The following RIMS2 variants were observed in gnomAD, a reference collection of about 807,000 sequenced individuals.
RIMS2 encodes the protein regulating synaptic membrane exocytosis protein 2.
RIMS2 carries 59 observed loss-of-function variants against 174.4 expected under a neutral mutation model. That is an observed-to-expected ratio of 0.34 (90% confidence interval 0.27 to 0.42). RIMS2 has a LOEUF of 0.42. Among genes scored for constraint, RIMS2 ranks in the 10% least tolerant of loss-of-function variants. RIMS2 has a pLI of 1.00. For synonymous variants in RIMS2, 606 were observed against 572.5 expected, an observed-to-expected ratio of 1.06 and a Z score of -0.84; for missense variants, 1,620 against 1,666.3, an observed-to-expected ratio of 0.97 and a Z score of 0.48.
At chr8:103,579,524 A>C (rs541232596) in intron 1 of RIMS2, among the ~76,000 whole-genome samples, 1 of 152,158 alleles carries the variant, frequency 6.6e-6, no homozygotes, top group Admixed American at 6.5e-5. Flanking sequence ...GAGAAAGTCT[A>C]TGTATTTTGA....
intron 1 of RIMS2, among the ~76,000 whole-genome samples, chr8:103,684,130 G>A (rs1355236007): frequency 6.6e-6 from 1 of 152,062 alleles, no homozygotes; most frequent in Non-Finnish European, 1.5e-5. Flanking sequence ...ATATAGTTGA[G>A]TGAGTTTTGA....
chr8:103,543,753 A>G (rs543699533), intron 1 of RIMS2, among the ~76,000 whole-genome samples: 11 of 152,338 alleles, frequency 7.2e-5, no homozygotes, highest in African/African-American at 2.4e-4. Context: ...GCAAAGGGCA[A>G]TCTCTTCAAT....
chr8:104,098,502 T>C (rs1350819801), intron 19 of RIMS2, among the ~76,000 whole-genome samples: 1 of 152,128 alleles, frequency 6.6e-6, no homozygotes, highest in African/African-American at 2.4e-5. Flanking sequence ...TGTTGGTAAT[T>C]TTGTGTTCAA....
intron 1 of RIMS2, among the ~76,000 whole-genome samples, chr8:103,561,208 C>A (rs1014973535): frequency 6.6e-6 from 1 of 151,522 alleles, no homozygotes; most frequent in Non-Finnish European, 1.5e-5. Context: ...TTAAGAATAA[C>A]AACTTAGTAT....
intron 3 of RIMS2, among the ~76,000 whole-genome samples, chr8:103,837,469 C>T (rs1298023088): frequency 2.0e-5 from 3 of 152,128 alleles, no homozygotes; most frequent in Non-Finnish European, 4.4e-5. Context: ...GTGTGCTGCA[C>T]CCATTAACTC....
At chr8:103,624,595 TC>T (rs1212627519) in intron 1 of RIMS2, among the ~76,000 whole-genome samples, 1 of 152,198 alleles carries the variant, frequency 6.6e-6, no homozygotes, top group Non-Finnish European at 1.5e-5. Context: ...GAGGGAATAA[TC>T]TAACTTTGCT....
At chr8:104,172,782 TG>T (rs1467856263) in intron 19 of RIMS2, among the ~76,000 whole-genome samples, 2 of 152,224 alleles carry the variant, frequency 1.3e-5, no homozygotes, top group Admixed American at 1.3e-4. Flanking sequence ...TATGACTAAG[TG>T]TGGAAATAGA....
At chr8:103,734,900 C>T (rs1173253288) in intron 2 of RIMS2, among the ~76,000 whole-genome samples, 1 of 148,682 alleles carries the variant, frequency 6.7e-6, no homozygotes, top group Non-Finnish European at 1.5e-5. Flanking sequence ...TCTCAGTTTT[C>T]TAATCACACT....
At chr8:104,236,942 T>C (rs1344408554) in intron 19 of RIMS2, among the ~76,000 whole-genome samples, 1 of 152,128 alleles carries the variant, frequency 6.6e-6, no homozygotes, top group African/African-American at 2.4e-5. Context: ...TGTAAGATGT[T>C]AATAATTGGG....
intron 14 of RIMS2, among the ~76,000 whole-genome samples, chr8:103,960,486 A>G (rs1228240792): frequency 6.6e-6 from 1 of 152,192 alleles, no homozygotes; most frequent in Non-Finnish European, 1.5e-5. Context: ...AAAGCAATAG[A>G]CAAATAGCTA....
At chr8:103,517,072 G>C (rs1586627716) in intron 1 of RIMS2, among the ~76,000 whole-genome samples, 1 of 152,156 alleles carries the variant, frequency 6.6e-6, no homozygotes, top group African/African-American at 2.4e-5. Context: ...AGAGGAATAG[G>C]ACACAGTCTC....
chr8:103,582,467 G>A (rs2093671731), intron 1 of RIMS2, among the ~76,000 whole-genome samples: 1 of 152,120 alleles, frequency 6.6e-6, no homozygotes, highest in South Asian at 2.1e-4. Context: ...CAGGGGGATA[G>A]AGCACCAAGA....
chr8:103,712,132 C>T lies in RIMS2; in HGVS notation c.387+14836C>T, dbSNP rs181253530. Among the ~76,000 whole-genome samples the T allele has an allele frequency of 1.6e-3, 237 of 150,568 alleles. 2 individuals carry two copies. The highest frequency in any genetic ancestry group is 5.3e-3 in the African/African-American group (215 of 40,928). On this transcript the variant is annotated intron_variant, in intron 2 of 23. Coordinates refer to ENST00000504942, the Ensembl canonical transcript of RIMS2. The stretch of plus-strand genomic sequence containing the variant: ...TCAGCCTCCTGAGTAGCTGAGACTA[C>T]AGGTGCACACCGCCTCACCCGCTTA...
At chr8:103,583,499 T>A (rs915427047) in intron 1 of RIMS2, among the ~76,000 whole-genome samples, 1 of 152,168 alleles carries the variant, frequency 6.6e-6, no homozygotes, top group Non-Finnish European at 1.5e-5. Context: ...ACACAAAATT[T>A]AAAATAGTTG....
At chr8:103,641,949 A>C (rs1412724376) in intron 1 of RIMS2, among the ~76,000 whole-genome samples, 1 of 152,134 alleles carries the variant, frequency 6.6e-6, no homozygotes, top group African/African-American at 2.4e-5. Context: ...GTATTCCTTT[A>C]TAGCAACACA....
At chr8:103,795,942 A>G in intron 3 of RIMS2, among the ~76,000 whole-genome samples, 1 of 152,206 alleles carries the variant, frequency 6.6e-6, no homozygotes, top group East Asian at 1.9e-4. Flanking sequence ...CTTCCTCCGA[A>G]AGTAGCAGCT....
intron 3 of RIMS2, among the ~76,000 whole-genome samples, chr8:103,848,610 G>C (rs2098980442): frequency 6.6e-6 from 1 of 151,964 alleles, no homozygotes; most frequent in Non-Finnish European, 1.5e-5. Flanking sequence ...CTGACTACAT[G>C]ACCTGAATGG....
At chr8:104,017,720 A>G (rs1258654670) in intron 19 of RIMS2, among the ~76,000 whole-genome samples, 1 of 152,176 alleles carries the variant, frequency 6.6e-6, no homozygotes, top group Non-Finnish European at 1.5e-5. Context: ...GCAATGTGAT[A>G]ATTAACCAGT....
At chr8:103,783,738 G>A (rs1363800476) in intron 3 of RIMS2, among the ~76,000 whole-genome samples, 3 of 151,578 alleles carry the variant, frequency 2.0e-5, no homozygotes, top group Non-Finnish European at 4.4e-5. Flanking sequence ...ATGTGTGCAT[G>A]TGTCTTTATA....
Sources: gnomAD v4.1 joint callset for allele counts (sites outside exome capture counted in the v4.1 genomes callset) on GRCh38, gnomAD v4.1.1 for gene constraint, MANE v1.5 for transcripts, NCBI Gene and HGNC (gene_info 2026-07-23, HGNC 2026-07-21) for gene names.